The following CAMTA1 variants were observed in gnomAD, a reference collection of about 807,000 sequenced individuals.
CAMTA1 encodes calmodulin-binding transcription activator 1.
In CAMTA1, 27 loss-of-function variants were observed where a neutral mutation model predicts 170.9. That is an observed-to-expected ratio of 0.16 (90% CI 0.12 to 0.22). CAMTA1 has a LOEUF of 0.22. CAMTA1 is among the 10% of genes least tolerant of loss of function. The pLI is 1.00. For missense variants in CAMTA1, 1,619 were observed against 2,217.2 expected (o/e 0.73, Z 5.42); for synonymous variants, 833 against 891.5 (o/e 0.93, Z 1.17).
chr1:7,439,345 C>G (rs777944059), intron 5 of CAMTA1, among the ~76,000 whole-genome samples: 2 of 152,200 alleles, frequency 1.3e-5, no homozygotes, highest in Admixed American at 6.5e-5. Flanking sequence ...TGTCTGGAAT[C>G]GAGCCCCTCC....
chr1:7,007,017 A>C lies in CAMTA1; in HGVS notation c.235-84287A>C, dbSNP rs1699098359. Reference sequence around the variant, plus strand: ...GTCAGATGGTAGTAAAAAAAAAAAAAAAAAATAAGAATTTTTGGATACGGT... The same window carrying C: ...GTCAGATGGTAGTAAAAAAAAAAAACAAAAATAAGAATTTTTGGATACGGT... On this transcript the variant is annotated intron_variant, in intron 3 of 22. Coordinates refer to ENST00000303635, the MANE Select transcript of CAMTA1 (RefSeq NM_015215.4). The surrounding 1 kb of genome is among the most constrained non-coding windows in gnomAD (Gnocchi z 4.5). Among the ~76,000 whole-genome samples the C allele has an allele frequency of 1.3e-5, 2 of 152,028 alleles. No individual in the cohort carries two copies. Among genetic ancestry groups the C allele is most frequent in the African/African-American group, 4.8e-5 (2 of 41,394 alleles).
chr1:7,310,217 A>G (rs1437933420), intron 5 of CAMTA1, among the ~76,000 whole-genome samples: 1 of 152,240 alleles, frequency 6.6e-6, no homozygotes, highest in African/African-American at 2.4e-5. Context: ...GTTGACTGAC[A>G]GTTCTTTCTT....
chr1:6,792,982 G>C (rs1641540124), intron 1 of CAMTA1, among the ~76,000 whole-genome samples: 2 of 151,730 alleles, frequency 1.3e-5, no homozygotes, highest in South Asian at 4.2e-4. Context: ...AAGTGGCAAA[G>C]GTCTCACCCC....
chr1:7,461,534 G>A (rs543120333), intron 5 of CAMTA1, among the ~76,000 whole-genome samples: 4 of 152,354 alleles, frequency 2.6e-5, no homozygotes, highest in African/African-American at 7.2e-5. Context: ...TCGAACAGCC[G>A]CAGTGACTAG....
chr1:7,149,128 A>G (rs1378185403), intron 4 of CAMTA1, among the ~76,000 whole-genome samples: 1 of 152,168 alleles, frequency 6.6e-6, no homozygotes, highest in Non-Finnish European at 1.5e-5. Flanking sequence ...GGGTGGGTAC[A>G]AGTCCCTACT....
intron 5 of CAMTA1, among the ~76,000 whole-genome samples, chr1:7,405,353 C>CT (rs138166356): frequency 0.023 from 3,439 of 151,118 alleles, 116 homozygotes; most frequent in African/African-American, 0.077. Context: ...CTTTTCTTTT[C>CT]TTTTTTTTTG....
intron 6 of CAMTA1, among the ~76,000 whole-genome samples, chr1:7,522,180 T>C (rs984458350): frequency 1.3e-5 from 2 of 152,194 alleles, no homozygotes; most frequent in African/African-American, 2.4e-5. Context: ...TATTTTTTAT[T>C]TGAGACATTT....
At chr1:7,540,617 A>AC (rs2094598711) in intron 6 of CAMTA1, among the ~76,000 whole-genome samples, 1 of 152,168 alleles carries the variant, frequency 6.6e-6, no homozygotes, top group African/African-American at 2.4e-5. Context: ...AGCTGGATTC[A>AC]CCCCCCAAAA....
chr1:6,942,698 C>T (rs534108434), intron 3 of CAMTA1, among the ~76,000 whole-genome samples: 1 of 152,244 alleles, frequency 6.6e-6, no homozygotes, highest in Non-Finnish European at 1.5e-5. Flanking sequence ...ACCATGGGCT[C>T]TTTGTGCCAC....
At chr1:7,659,639 C>T (rs1001965450) in intron 7 of CAMTA1, among the ~76,000 whole-genome samples, 23 of 152,158 alleles carry the variant, frequency 1.5e-4, no homozygotes, top group Admixed American at 1.3e-3. Context: ...GAGATCTACC[C>T]GCAGTGTTCC....
In CAMTA1 at chr1:7,014,188, T is replaced by A. The variant is rs1240494353; in HGVS notation, c.235-77116T>A. 1.3e-5 allele frequency: 2 copies of A among 152,148 alleles called. No homozygotes were observed. 9.4% of individuals were successfully genotyped at this position (152,148 alleles called of 1,614,324 possible). A position where few individuals can be genotyped will look rare whatever the true frequency, so the allele number is the denominator to read the frequency against. On this transcript the variant is annotated intron_variant, in intron 3 of 22. Coordinates refer to ENST00000303635, the MANE Select transcript of CAMTA1 (RefSeq NM_015215.4). This position sits in a 1 kb window ranked among gnomAD's most constrained non-coding sequence, Gnocchi z 4.2. The stretch of plus-strand genomic sequence containing the variant: ...GCCGTGGCAGAAGCCACAGCCTGGG[T>A]TTGGGGTACCCTGTCTGGCTCTTGT...
chr1:7,688,866 A>G (rs947417), intron 11 of CAMTA1, among the ~76,000 whole-genome samples: 150,250 of 152,340 alleles, frequency 0.99, 74,130 homozygotes, highest in East Asian at 1. Flanking sequence ...AATCTGCTGA[A>G]ACTTTGCACC....
intron 5 of CAMTA1, among the ~76,000 whole-genome samples, chr1:7,431,666 C>T (rs2092162995): frequency 6.6e-6 from 1 of 152,206 alleles, no homozygotes; most frequent in African/African-American, 2.4e-5. Flanking sequence ...TGGCGCCGCT[C>T]AAGCATACCC....
At chr1:7,737,093 C>A in intron 14 of CAMTA1, 84 bp downstream of exon 14, 1 of 1,345,052 alleles carries the variant, frequency 7.4e-7, no homozygotes, top group Non-Finnish European at 1.1e-6. Context: ...TTGTCTCTTG[C>A]TGACACATGG....
intron 11 of CAMTA1, among the ~76,000 whole-genome samples, chr1:7,683,792 G>A (rs1047550555): frequency 9.9e-5 from 15 of 152,236 alleles, no homozygotes; most frequent in African/African-American, 3.4e-4. Context: ...TGGGGCCTCC[G>A]TCATTATACA....
At chr1:7,070,543 G>T (rs1260224331) in intron 3 of CAMTA1, among the ~76,000 whole-genome samples, 1 of 152,126 alleles carries the variant, frequency 6.6e-6, no homozygotes, top group Non-Finnish European at 1.5e-5. Context: ...ACAACCTTTT[G>T]AGCACGACCT....
At chr1:6,799,288 T>C (rs1390850523) in intron 1 of CAMTA1, among the ~76,000 whole-genome samples, 2 of 152,130 alleles carry the variant, frequency 1.3e-5, no homozygotes. Flanking sequence ...AGGCTTGTCT[T>C]GTACTCCTGG....
chr1:7,052,218 C>T (rs1038498163), intron 3 of CAMTA1, among the ~76,000 whole-genome samples: 1 of 152,134 alleles, frequency 6.6e-6, no homozygotes, highest in Non-Finnish European at 1.5e-5. Flanking sequence ...TTCTTTTTTG[C>T]TCCCTGATGG....
At chr1:7,096,906 T>G (rs1558090697) in intron 4 of CAMTA1, among the ~76,000 whole-genome samples, 1 of 152,198 alleles carries the variant, frequency 6.6e-6, no homozygotes, top group African/African-American at 2.4e-5. Context: ...AAGGCCATTC[T>G]TCTGTCTCAA....
Sources: gnomAD v4.1 joint callset for allele counts (sites outside exome capture counted in the v4.1 genomes callset) on GRCh38, gnomAD v4.1.1 for gene constraint, Gnocchi (gnomAD v3.1) non-coding constraint, MANE v1.5 for transcripts, NCBI Gene and HGNC (gene_info 2026-07-23, HGNC 2026-07-21) for gene names.